RAB3C: variants seen among roughly 807,000 people sequenced by gnomAD.
RAB3C encodes ras-related protein Rab-3C.
A neutral mutation model predicts 26.4 loss-of-function variants in RAB3C; 17 were observed. That is an observed-to-expected ratio of 0.64 (90% CI 0.44 to 0.97). The LOEUF is 0.97. Among genes scored for constraint, RAB3C ranks in the 50% least tolerant of loss-of-function variants. The pLI, the probability that RAB3C is intolerant of heterozygous loss-of-function variation, is 0.00. For synonymous variants in RAB3C, 91 were observed against 95.9 expected (o/e 0.95, Z 0.30); for missense variants, 242 against 281.9 (o/e 0.86, Z 1.01).
chr5:58,754,368 C>T (rs1741601573), intron 3 of RAB3C, among the ~76,000 whole-genome samples: 1 of 152,070 alleles, frequency 6.6e-6, no homozygotes, highest in South Asian at 2.1e-4. Context: ...GGGGCTGAGT[C>T]TTGTTTTTGT....
intron 2 of RAB3C, among the ~76,000 whole-genome samples, chr5:58,636,391 C>T (rs1256787987): frequency 6.6e-6 from 1 of 152,154 alleles, no homozygotes; most frequent in Non-Finnish European, 1.5e-5. Flanking sequence ...GTCAAGTATC[C>T]ATCATAACTG....
At chr5:58,641,819 C>T (rs1747418479) in intron 2 of RAB3C, among the ~76,000 whole-genome samples, 1 of 152,162 alleles carries the variant, frequency 6.6e-6, no homozygotes, top group Non-Finnish European at 1.5e-5. Context: ...ATGTCAGCCT[C>T]ATCTATTAAC....
chr5:58,721,237 A>G (rs1740750490), intron 2 of RAB3C, among the ~76,000 whole-genome samples: 1 of 140,138 alleles, frequency 7.1e-6, no homozygotes, highest in Non-Finnish European at 1.5e-5. Context: ...TAACTGAAAT[A>G]ATTTTTTTTT....
chr5:58,768,173 T>A (rs1284547442), intron 3 of RAB3C, among the ~76,000 whole-genome samples: 1 of 152,108 alleles, frequency 6.6e-6, no homozygotes, highest in Non-Finnish European at 1.5e-5. Flanking sequence ...TTGAAATGCC[T>A]ACAGGATCAT....
chr5:58,713,400 C>T (rs147366143), intron 2 of RAB3C, among the ~76,000 whole-genome samples: 10 of 152,240 alleles, frequency 6.6e-5, no homozygotes, highest in African/African-American at 1.9e-4. Context: ...TTAAACACGA[C>T]GTTAATCAAA....
intron 1 of RAB3C, among the ~76,000 whole-genome samples, chr5:58,603,933 G>C (rs748183186): frequency 1.3e-5 from 2 of 152,196 alleles, no homozygotes; most frequent in East Asian, 3.9e-4. Context: ...ATTTGGGTAG[G>C]CTCTGTCAGA....
intron 3 of RAB3C, among the ~76,000 whole-genome samples, chr5:58,728,655 A>G (rs771962816): frequency 6.6e-6 from 1 of 151,982 alleles, no homozygotes; most frequent in African/African-American, 2.4e-5. Context: ...GACAACATAT[A>G]CAAGCCCAGA....
chr5:58,694,522 A>G (rs1748650307), intron 2 of RAB3C, among the ~76,000 whole-genome samples: 1 of 152,176 alleles, frequency 6.6e-6, no homozygotes, highest in Non-Finnish European at 1.5e-5. Flanking sequence ...GTCTTCCACG[A>G]TGGTTGAACT....
intron 1 of RAB3C, among the ~76,000 whole-genome samples, chr5:58,613,831 G>A (rs745498063): frequency 3.9e-5 from 6 of 152,032 alleles, no homozygotes; most frequent in Non-Finnish European, 7.4e-5. Context: ...TTTCAGACAC[G>A]TCCTATGTGG....
intron 2 of RAB3C, among the ~76,000 whole-genome samples, chr5:58,713,144 G>A (rs1267104290): frequency 1.3e-5 from 2 of 152,132 alleles, no homozygotes; most frequent in Non-Finnish European, 2.9e-5. Flanking sequence ...AGGAGTGAGT[G>A]GTGGTACAGA....
At chr5:58,760,874 T>C (rs937729872) in intron 3 of RAB3C, among the ~76,000 whole-genome samples, 3 of 152,168 alleles carry the variant, frequency 2.0e-5, no homozygotes, top group African/African-American at 7.2e-5. Context: ...GTCAAATGAT[T>C]AGCACTGTAG....
Position 58,842,110 on chromosome 5 carries a change from G to A in RAB3C, c.497-9054G>A, listed in dbSNP as rs145631257. Among the ~76,000 whole-genome samples the A allele has an allele frequency of 5.2e-3, 788 of 152,140 alleles. 7 individuals are homozygous for A. The highest frequency in any genetic ancestry group is 0.018 in the African/African-American group (754 of 41,492). On this transcript the variant is annotated intron_variant, in intron 4 of 4. Transcript: ENST00000282878. ...TGGGCAGTAAATAATCTCAATCCTT[G>A]ACTCTTTTTTTCCTTGACTTCACAC...
rs1284727668 is a variant in RAB3C at position 58,856,629 on chromosome 5, A to G, written c.*5278A>G. 6.6e-6 allele frequency: 1 copy of G among 152,130 alleles called. No individual in the cohort carries two copies. Among genetic ancestry groups the G allele is most frequent in the Non-Finnish European group, 1.5e-5 (1 of 68,036 alleles). 9.4% of individuals were successfully genotyped at this position (152,130 alleles called of 1,614,324 possible). On this transcript the variant is annotated 3_prime_UTR_variant, in exon 5 of 5. Coordinates refer to ENST00000282878, the MANE Select transcript of RAB3C (RefSeq NM_138453.4). ...ATATTTCCTTCATCGTGGACAAGTGAGAGTTGGCTGTGGCTTTATTTCTTG... is the reference window on the plus strand; with the variant it reads ...ATATTTCCTTCATCGTGGACAAGTGGGAGTTGGCTGTGGCTTTATTTCTTG...
At chr5:58,712,504 CA>C in intron 2 of RAB3C, among the ~76,000 whole-genome samples, 1 of 151,796 alleles carries the variant, frequency 6.6e-6, no homozygotes, top group South Asian at 2.1e-4. Context: ...AAACTGTCTA[CA>C]AAAAAAAGAA....
rs36020735 is a variant in RAB3C, at chr5:58,837,557, CT to C, written c.496+12414del. 3.2e-3 allele frequency among the ~76,000 whole-genome samples: 384 copies of C among 118,852 alleles called. 1 individual carries two copies. The highest frequency in any genetic ancestry group is 9.8e-3 in the African/African-American group (303 of 30,892). 78.0% of individuals were successfully genotyped at this position (118,852 alleles called of 152,430 possible). Reference sequence around the variant, plus strand: ...TCTATTTCTTCTTGTTTCAGTCTCTCTTTTTTTTTTTTTTTTTTTGAAACAA... The same window carrying C: ...TCTATTTCTTCTTGTTTCAGTCTCTCTTTTTTTTTTTTTTTTTTGAAACAA... On this transcript the variant is annotated intron_variant, in intron 4 of 4. Coordinates refer to ENST00000282878, the MANE Select transcript of RAB3C (RefSeq NM_138453.4).
chr5:58,762,721 G>A (rs1006644032), intron 3 of RAB3C, among the ~76,000 whole-genome samples: 6 of 152,054 alleles, frequency 3.9e-5, no homozygotes, highest in African/African-American at 1.4e-4. Flanking sequence ...TTATTAAATT[G>A]ACTTGCTTAA....
chr5:58,642,349 C>T (rs956414411), intron 2 of RAB3C, among the ~76,000 whole-genome samples: 1 of 152,200 alleles, frequency 6.6e-6, no homozygotes, highest in Non-Finnish European at 1.5e-5. Flanking sequence ...TCTGACCAGA[C>T]TCCAGATCTA....
chr5:58,781,503 G>C (rs1309811290), intron 3 of RAB3C, among the ~76,000 whole-genome samples: 1 of 151,614 alleles, frequency 6.6e-6, no homozygotes, highest in Non-Finnish European at 1.5e-5. Context: ...AGATGCACAG[G>C]GAACAAGTTA....
intron 3 of RAB3C, among the ~76,000 whole-genome samples, chr5:58,807,312 G>A (rs1314437260): frequency 2.6e-5 from 4 of 152,170 alleles, no homozygotes; most frequent in African/African-American, 9.7e-5. Flanking sequence ...TATAGCCAGA[G>A]TTTTTCCCAT....
Sources: gnomAD v4.1 joint callset for allele counts (sites outside exome capture counted in the v4.1 genomes callset) on GRCh38, gnomAD v4.1.1 for gene constraint, MANE v1.5 for transcripts, NCBI Gene and HGNC (gene_info 2026-07-23, HGNC 2026-07-21) for gene names.